TUSC3: variants seen among roughly 807,000 people sequenced by gnomAD.
TUSC3 encodes the protein dolichyl-diphosphooligosaccharide--protein glycosyltransferase subunit TUSC3.
TUSC3 carries 45 observed loss-of-function variants against 44.8 expected under a neutral mutation model. That is an observed-to-expected ratio of 1.00 (90% CI 0.79 to 1.29). The LOEUF (loss-of-function observed/expected upper bound fraction) is 1.29. Ranked by LOEUF, TUSC3 falls within the 50% of genes most tolerant of loss-of-function variation. The pLI is 0.00. For synonymous variants in TUSC3, 212 were observed against 152.9 expected, an observed-to-expected ratio of 1.39 and a Z score of -2.85; for missense variants, 519 against 437.9, an observed-to-expected ratio of 1.19 and a Z score of -1.65.
chr8:15,644,650 T>C (rs1806543453), intron 2 of TUSC3, among the ~76,000 whole-genome samples: 1 of 152,128 alleles, frequency 6.6e-6, no homozygotes, highest in African/African-American at 2.4e-5. Context: ...TAAGGGATAA[T>C]GGGGGTAAGT....
chr8:15,493,444 G>C (rs1800837243), intron 2 of TUSC3, among the ~76,000 whole-genome samples: 1 of 151,924 alleles, frequency 6.6e-6, no homozygotes, highest in Non-Finnish European at 1.5e-5. Context: ...TGTATTTTTT[G>C]CATAGACAAG....
the TUSC3 span, among the ~76,000 whole-genome samples, chr8:15,819,741 A>T: frequency 6.6e-6 from 1 of 152,218 alleles, no homozygotes; most frequent in Non-Finnish European, 1.5e-5. Flanking sequence ...TAGAAAGATG[A>T]TGCAAAATGG....
chr8:15,775,736 CTA>C, the TUSC3 span, among the ~76,000 whole-genome samples: 1 of 110,940 alleles, frequency 9.0e-6, no homozygotes, highest in Non-Finnish European at 1.8e-5. Flanking sequence ...ACATATATAA[CTA>C]TATATTACAC....
intron 2 of TUSC3, among the ~76,000 whole-genome samples, chr8:15,649,745 C>T (rs1806804022): frequency 6.6e-6 from 1 of 151,940 alleles, no homozygotes; most frequent in Non-Finnish European, 1.5e-5. Flanking sequence ...AACTTTTCAC[C>T]AGCTTTCTGT....
chr8:15,572,116 A>C (rs1802901234), intron 1 of TUSC3, among the ~76,000 whole-genome samples: 2 of 152,058 alleles, frequency 1.3e-5, no homozygotes, highest in African/African-American at 2.4e-5. Context: ...CCAGGCATCG[A>C]CTTCTCTCTA....
At chr8:15,629,736 TAAAAA>T (rs35310787) in intron 2 of TUSC3, among the ~76,000 whole-genome samples, 1 of 144,506 alleles carries the variant, frequency 6.9e-6, no homozygotes, top group Non-Finnish European at 1.5e-5. Context: ...TTCTTTTCTT[TAAAAA>T]AAAAAAAAGC....
At chr8:15,696,117 A>G (rs1034754820) in intron 6 of TUSC3, among the ~76,000 whole-genome samples, 1 of 152,188 alleles carries the variant, frequency 6.6e-6, no homozygotes, top group Non-Finnish European at 1.5e-5. Context: ...AGGGAATGTT[A>G]AAGGTCTTCA....
intron 9 of TUSC3, among the ~76,000 whole-genome samples, chr8:15,752,441 T>A (rs1322981355): frequency 6.6e-6 from 1 of 152,118 alleles, no homozygotes; most frequent in African/African-American, 2.4e-5. Flanking sequence ...AAAGGAAATA[T>A]TCTTAACCAA....
chr8:15,421,373 C>A (rs1026914402), intron 1 of TUSC3, among the ~76,000 whole-genome samples: 1 of 151,962 alleles, frequency 6.6e-6, no homozygotes, highest in African/African-American at 2.4e-5. Flanking sequence ...TACCTTTGAG[C>A]CCTTACGGTA....
At chr8:15,619,765 C>G (rs1805159628) in intron 1 of TUSC3, among the ~76,000 whole-genome samples, 1 of 152,184 alleles carries the variant, frequency 6.6e-6, no homozygotes, top group Non-Finnish European at 1.5e-5. Flanking sequence ...CTGCCTCGGC[C>G]TCCCAAAGTG....
At chr8:15,725,008 G>C (rs1398409068) in intron 6 of TUSC3, among the ~76,000 whole-genome samples, 4 of 151,806 alleles carry the variant, frequency 2.6e-5, no homozygotes, top group Non-Finnish European at 5.9e-5. Flanking sequence ...TCATCATTTG[G>C]GTATCATCCA....
chr8:15,731,846 C>T (rs1489052863), intron 7 of TUSC3, among the ~76,000 whole-genome samples: 1 of 151,914 alleles, frequency 6.6e-6, no homozygotes, highest in Non-Finnish European at 1.5e-5. Flanking sequence ...CTTATTTGAC[C>T]CCTTCAGTTT....
At chr8:15,561,867 G>A (rs77335987) in intron 1 of TUSC3, among the ~76,000 whole-genome samples, 6 of 152,172 alleles carry the variant, frequency 3.9e-5, no homozygotes, top group Admixed American at 1.3e-4. Context: ...TTCGGCTGGC[G>A]CACGGTGTGC....
chr8:15,704,212 G>C (rs1809522005), intron 6 of TUSC3, among the ~76,000 whole-genome samples: 1 of 150,392 alleles, frequency 6.6e-6, no homozygotes, highest in African/African-American at 2.4e-5. Context: ...TCGGAAGATG[G>C]AACAGCAAGT....
chr8:15,836,852 T>C, the TUSC3 span, among the ~76,000 whole-genome samples: 2 of 152,178 alleles, frequency 1.3e-5, no homozygotes, highest in Admixed American at 6.5e-5. Context: ...CTTCTACTTT[T>C]CCTCTCCCTT....
the TUSC3 span, among the ~76,000 whole-genome samples, chr8:15,827,775 T>G: frequency 6.6e-6 from 1 of 152,122 alleles, no homozygotes; most frequent in Non-Finnish European, 1.5e-5. Flanking sequence ...CTGATTTGGA[T>G]AATTTAGATG....
chr8:15,847,018 G>C, the TUSC3 span, among the ~76,000 whole-genome samples: 1 of 152,068 alleles, frequency 6.6e-6, no homozygotes. Flanking sequence ...GAGTCTCTGG[G>C]CTACTTCAGC....
chr8:15,470,555 G>T (rs1165446778), intron 1 of TUSC3, among the ~76,000 whole-genome samples: 1 of 152,136 alleles, frequency 6.6e-6, no homozygotes, highest in African/African-American at 2.4e-5. Flanking sequence ...GGGACAGGAG[G>T]TATATGGGAA....
At chr8:15,485,234 C>T (rs557217542) in intron 2 of TUSC3, among the ~76,000 whole-genome samples, 2 of 152,158 alleles carry the variant, frequency 1.3e-5, no homozygotes, top group Non-Finnish European at 2.9e-5. Flanking sequence ...GTTTTTCAGA[C>T]ATCGGCAGTG....
Sources: gnomAD v4.1 joint callset for allele counts (sites outside exome capture counted in the v4.1 genomes callset) on GRCh38, gnomAD v4.1.1 for gene constraint, MANE v1.5 for transcripts, NCBI Gene and HGNC (gene_info 2026-07-23, HGNC 2026-07-21) for gene names.